STAT2: variants seen among roughly 807,000 people sequenced by gnomAD.
The protein encoded by STAT2 is signal transducer and activator of transcription 2, also known as interferon alpha induced transcriptional activator.
Under a neutral mutation model 122.3 loss-of-function variants are expected in STAT2, and 51 were observed. That is an observed-to-expected ratio of 0.42 (90% confidence interval 0.33 to 0.53). STAT2 has a LOEUF of 0.53. Among genes scored for constraint, STAT2 ranks in the 20% least tolerant of loss-of-function variants. The pLI, the probability that STAT2 is intolerant of heterozygous loss-of-function variation, is 0.10. For synonymous variants in STAT2, 351 were observed against 394.9 expected, an observed-to-expected ratio of 0.89 and a Z score of 1.32; for missense variants, 736 against 1,010.3, an observed-to-expected ratio of 0.73 and a Z score of 3.68.
At chr12:56,349,566 C>T (rs749931143) in intron 14 of STAT2, 23 bp downstream of exon 14, 12 of 1,614,062 alleles carry the variant, frequency 7.4e-6, no homozygotes, top group East Asian at 2.2e-5. Context: ...CCCCCTGCCT[C>T]GAGTCCTCTG....
Position 56,343,992 on chromosome 12 carries a change from G to A in STAT2, c.2246C>T (p.Pro749Leu). Reference sequence around the variant, plus strand: ...GGACTCCAGCACAGACTCTAGCTCTGGCCCCAGATCCAGCCCTGCCTTCAG... The same window carrying A: ...GGACTCCAGCACAGACTCTAGCTCTAGCCCCAGATCCAGCCCTGCCTTCAG... The part of the protein sequence containing the change: ...PLLKAGLDLG[P>L]ELESVLESTL... The change falls in exon 23 of 24, where the codon CCA (proline) becomes CTA (leucine). Residue 749 changes from proline (P) to leucine (L), a missense_variant. Transcript: ENST00000314128. 1 of 1,614,100 alleles carries A rather than the reference G, an allele frequency of 6.2e-7. No homozygotes were observed. Among genetic ancestry groups the A allele is most frequent in the Non-Finnish European group, 8.5e-7 (1 of 1,180,008 alleles).
chr12:56,343,258 C>A lies in STAT2; in HGVS notation c.*131G>T. 1 of 1,307,768 alleles carries A rather than the reference C, an allele frequency of 7.6e-7. No homozygotes were observed. The highest frequency in any genetic ancestry group is 1.0e-6 in the Non-Finnish European group (1 of 956,612). 81.0% of individuals were successfully genotyped at this position (1,307,768 alleles called of 1,614,324 possible). A position where few individuals can be genotyped will look rare whatever the true frequency, so the allele number is the denominator to read the frequency against. ...CACCTCTCACCCCAATGGAGTCACACAGGCCTGAGTTTGAACAGTTAACAC... is the reference window on the plus strand; with the variant it reads ...CACCTCTCACCCCAATGGAGTCACAAAGGCCTGAGTTTGAACAGTTAACAC... On this transcript the variant is annotated 3_prime_UTR_variant, in exon 24 of 24. Transcript: ENST00000314128.
intron 3 of STAT2, 116 bp from the exon 4 acceptor site, chr12:56,355,919 C>G (rs1879441383): frequency 7.7e-7 from 1 of 1,298,616 alleles, no homozygotes; most frequent in Non-Finnish European, 1.1e-6. Flanking sequence ...GTTCTTAGCC[C>G]TTTGTCTTTT....
chr12:56,351,401 C>T lies in STAT2; in HGVS notation c.832G>A (p.Glu278Lys). Reference protein sequence around the residue: ...LLFHLRQLLKELKGLSCLVSY... With the variant: ...LLFHLRQLLKKLKGLSCLVSY... Reference sequence around the variant, plus strand: ...ACCAGGCAACTCAGTCCCTTCAGCTCCTTCAGCAGCTGCCTCAGGTGAAAC... The same window carrying T: ...ACCAGGCAACTCAGTCCCTTCAGCTTCTTCAGCAGCTGCCTCAGGTGAAAC... Residue 278 changes from glutamate to lysine, a missense_variant, in exon 9 of 24, where the codon GAG becomes AAG. Coordinates refer to ENST00000314128, the MANE Select transcript of STAT2 (RefSeq NM_005419.4). 1 of 1,614,088 alleles carries T rather than the reference C, an allele frequency of 6.2e-7. No individual in the cohort carries two copies. Among genetic ancestry groups the T allele is most frequent in the Non-Finnish European group, 8.5e-7 (1 of 1,180,018 alleles).
rs566810589 is a variant in STAT2, at chr12:56,342,732, T to C, written c.*657A>G. On this transcript the variant is annotated 3_prime_UTR_variant, in exon 24 of 24. Transcript: ENST00000314128. ...ACATTAGATTGGCAGGATCATTTTA[T>C]GGGGGAGGAACAGGTACAGCCAGCT... The C allele has an allele frequency of 6.6e-6, 1 of 152,190 alleles. No individual in the cohort carries two copies. Among genetic ancestry groups the C allele is most frequent in the Non-Finnish European group, 1.5e-5 (1 of 68,080 alleles). 9.4% of individuals were successfully genotyped at this position (152,190 alleles called of 1,614,324 possible).
At chr12:56,359,955 A>C in intron 1 of STAT2, 103 bp downstream of exon 1, 2 of 753,382 alleles carry the variant, frequency 2.7e-6, no homozygotes, top group South Asian at 6.0e-5. Flanking sequence ...GACCGAAGCT[A>C]CCCTCTCCAG....
intron 6 of STAT2, 178 bp from the exon 7 acceptor site, chr12:56,355,041 C>G: frequency 1.4e-6 from 1 of 733,120 alleles, no homozygotes; most frequent in South Asian, 1.8e-5. Context: ...CCAGACACCC[C>G]CTCAAATAAA....
Position 56,354,625 on chromosome 12 carries a change from G to A in STAT2, c.634-11C>T, listed in dbSNP as rs1305492051. Reference sequence around the variant, plus strand: ...GGCATCCAGCACCTCCTGGGAAAGAGATAATGTGAGTGTTGAGCATCTCTC... The same window carrying A: ...GGCATCCAGCACCTCCTGGGAAAGAAATAATGTGAGTGTTGAGCATCTCTC... On this transcript the variant is annotated splice_polypyrimidine_tract_variant and intron_variant, in intron 7 of 23. Coordinates refer to ENST00000314128, the MANE Select transcript of STAT2 (RefSeq NM_005419.4). 1.2e-6 allele frequency: 2 copies of A among 1,614,030 alleles called. No individual in the cohort carries two copies. Among genetic ancestry groups the A allele is most frequent in the Admixed American group, 1.7e-5 (1 of 60,004 alleles).
chr12:56,345,717 G>A (rs576493352), intron 22 of STAT2, among the ~76,000 whole-genome samples: 37 of 148,938 alleles, frequency 2.5e-4, no homozygotes, highest in Middle Eastern at 3.5e-3. Context: ...GAGCTCAGGA[G>A]GTCGAGGCTG....
rs1197952203 is a variant in STAT2, at chr12:56,348,798, T to C, written c.1583A>G (p.Asn528Ser). The C allele has an allele frequency of 6.2e-7, 1 of 1,614,040 alleles. No individual in the cohort carries two copies. Among genetic ancestry groups the C allele is most frequent in the Non-Finnish European group, 8.5e-7 (1 of 1,180,024 alleles). Residue 528 changes from asparagine to serine, a missense_variant, in exon 18 of 24, where the codon AAC (asparagine) becomes AGC (serine). Transcript: ENST00000314128. ...SMLRNKLFGQ[N>S]CRTEDPLLSW... Reference sequence around the variant, plus strand: ...CAATAATGGATCCTCAGTCCTACAGTTCTGCCCTGTGGGACAGATAGCCAC... The same window carrying C: ...CAATAATGGATCCTCAGTCCTACAGCTCTGCCCTGTGGGACAGATAGCCAC...
intron 23 of STAT2, 88 bp from the exon 24 acceptor site, chr12:56,343,619 G>C (rs1016665437): frequency 2.1e-5 from 33 of 1,552,146 alleles, no homozygotes; most frequent in Non-Finnish European, 2.8e-5. Flanking sequence ...TGGCAGGAAA[G>C]GCCTGGGAAG....
At chr12:56,358,847 G>C (rs367744020) in intron 1 of STAT2, among the ~76,000 whole-genome samples, 1 of 152,110 alleles carries the variant, frequency 6.6e-6, no homozygotes, top group Non-Finnish European at 1.5e-5. Context: ...AGTAAGCAGA[G>C]ATCACATCAC....
intron 17 of STAT2, 49 bp downstream of exon 17, chr12:56,348,875 C>A: frequency 6.2e-7 from 1 of 1,613,874 alleles, no homozygotes; most frequent in Non-Finnish European, 8.5e-7. Flanking sequence ...GACAGAGGGA[C>A]AGAAAAGACT....
At chr12:56,358,389 G>C (rs1879859261) in intron 1 of STAT2, among the ~76,000 whole-genome samples, 1 of 151,914 alleles carries the variant, frequency 6.6e-6, no homozygotes. Flanking sequence ...GGGATTACAG[G>C]CGCCCACTAC....
Position 56,346,808 on chromosome 12 carries a change from G to C in STAT2, c.1861+11C>G. ...GAGAGGCTGTGGGAATGGCAGGGCAGAGCAGCTGACCATCATCCTGGTGCT... is the reference window on the plus strand; with the variant it reads ...GAGAGGCTGTGGGAATGGCAGGGCACAGCAGCTGACCATCATCCTGGTGCT... On this transcript the variant is annotated intron_variant, in intron 20 of 23. Transcript: ENST00000314128. 6.2e-7 allele frequency: 1 copy of C among 1,614,176 alleles called. No homozygotes were observed. Among genetic ancestry groups the C allele is most frequent in the Non-Finnish European group, 8.5e-7 (1 of 1,180,002 alleles).
chr12:56,343,425 G>A lies in STAT2; in HGVS notation c.2520C>T (p.Phe840=). 6.2e-7 allele frequency: 1 copy of A among 1,614,246 alleles called. No homozygotes were observed. The highest frequency in any genetic ancestry group is 8.5e-7 in the Non-Finnish European group (1 of 1,180,048). ...DEVYVSRPSH[F]YTDGPLMPSD... ...AAGGCATCAAGGGTCCATCAGTGTA[G>A]AAGTGGCTGGGGCGGGAGACGTAAA... is the stretch of plus-strand genomic sequence containing the variant. The change falls in exon 24 of 24, where the codon TTC becomes TTT. Residue 840 remains phenylalanine, a synonymous_variant. Coordinates refer to ENST00000314128, the MANE Select transcript of STAT2 (RefSeq NM_005419.4).
intron 22 of STAT2, among the ~76,000 whole-genome samples, chr12:56,345,172 C>CAAAAAA (rs35648397): frequency 3.7e-4 from 10 of 27,140 alleles, no homozygotes; most frequent in East Asian, 1.4e-3. Context: ...GAGACTGTCT[C>CAAAAAA]AAAAAAAAAA....
At chr12:56,354,903 C>T (rs752566681) in intron 6 of STAT2, 40 bp from the exon 7 acceptor site, 1 of 1,589,502 alleles carries the variant, frequency 6.3e-7, no homozygotes, top group East Asian at 2.2e-5. Context: ...GGGTTCTTTC[C>T]TCTCCTTCCT....
At position 56,351,328 on chromosome 12, in the gene STAT2, G is replaced by A; in HGVS notation, c.905C>T (p.Ala302Val). ...ACGCTGTAGCAACTCTGTGACCTGG[G>A]CGTTGCGTAGGTCCACCCCTTTGGT... ...PLTKGVDLRN[A>V]QVTELLQRLL... The change falls in exon 9 of 24, where the codon GCC (alanine) becomes GTC (valine). Residue 302 changes from alanine (A) to valine (V), a missense_variant. Transcript: ENST00000314128. The A allele has an allele frequency of 6.2e-7, 1 of 1,614,148 alleles. No homozygotes were observed. Among genetic ancestry groups the A allele is most frequent in the South Asian group, 1.1e-5 (1 of 91,078 alleles).
Sources: gnomAD v4.1 joint callset for allele counts (sites outside exome capture counted in the v4.1 genomes callset) on GRCh38, gnomAD v4.1.1 for gene constraint, MANE v1.5 for transcripts, NCBI Gene and HGNC (gene_info 2026-07-23, HGNC 2026-07-21) for gene names.